Variants in IST1 observed in about 807,000 individuals in gnomAD.
IST1 encodes the protein IST1 homolog.
In IST1, 23 loss-of-function variants were observed where a neutral mutation model predicts 37.0. The ratio of observed to expected loss-of-function variants is 0.62; its 90% CI spans 0.45 to 0.88. IST1 has a LOEUF of 0.88. Ranked by LOEUF, IST1 falls within the 40% of genes least tolerant of loss-of-function variation. The pLI is 0.00. For synonymous variants in IST1, 180 were observed against 161.7 expected (o/e 1.11, Z -0.86); for missense variants, 488 against 445.4 (o/e 1.10, Z -0.86).
intron 1 of IST1, among the ~76,000 whole-genome samples, chr16:71,906,503 C>CG (rs1567462943): frequency 6.6e-6 from 1 of 151,232 alleles, no homozygotes. Flanking sequence ...TTCGTAGAGA[C>CG]GGGGTTTCAC....
chr16:71,897,798 T>C (rs2037008786), intron 1 of IST1, among the ~76,000 whole-genome samples: 1 of 151,328 alleles, frequency 6.6e-6, no homozygotes, highest in South Asian at 2.1e-4. Flanking sequence ...ATACAAAAAT[T>C]AGCCAGGAGT....
At chr16:71,915,576 C>G (rs1413290052) in intron 1 of IST1, 50 bp from the exon 2 acceptor site, 1 of 1,293,500 alleles carries the variant, frequency 7.7e-7, no homozygotes, top group South Asian at 1.3e-5. Flanking sequence ...GTGTTAGTTC[C>G]TGAACTAATG....
At chr16:71,903,960 A>G (rs2037164688) in intron 1 of IST1, among the ~76,000 whole-genome samples, 1 of 151,874 alleles carries the variant, frequency 6.6e-6, no homozygotes, top group Non-Finnish European at 1.5e-5. Context: ...TTTGTTTTTG[A>G]AGCTCTGTTG....
chr16:71,898,002 T>A (rs912361188), intron 1 of IST1, among the ~76,000 whole-genome samples: 2 of 152,110 alleles, frequency 1.3e-5, no homozygotes, highest in African/African-American at 4.8e-5. Flanking sequence ...ACTACAAGGT[T>A]TTAGACTGTA....
At chr16:71,912,004 C>T (rs2037365822) in intron 1 of IST1, among the ~76,000 whole-genome samples, 1 of 151,974 alleles carries the variant, frequency 6.6e-6, no homozygotes, top group Non-Finnish European at 1.5e-5. Context: ...TACTCCCGGC[C>T]AAACTTGGAA....
In IST1 at chr16:71,930,523, C is replaced by T. The variant is rs1370016966; in HGVS notation, c.*2710C>T. 1 of 177,906 alleles carries T rather than the reference C, an allele frequency of 5.6e-6. No homozygotes were observed. Among genetic ancestry groups the T allele is most frequent in the African/African-American group, 2.4e-5 (1 of 42,476 alleles). The allele number at this position is 177,906 out of a possible 1,614,324, so 11.0% of individuals were successfully genotyped here. On this transcript the variant is annotated 3_prime_UTR_variant, in exon 10 of 10. Coordinates refer to ENST00000378799, the MANE Select transcript of IST1 (RefSeq NM_001270975.2). ...AAAGTGGGAGGGGGGTAAGCAAACACTGAAAGATTAAATGCATACCAGAAA... is the reference window on the plus strand; with the variant it reads ...AAAGTGGGAGGGGGGTAAGCAAACATTGAAAGATTAAATGCATACCAGAAA...
Position 71,927,905 on chromosome 16 carries a change from C to G in IST1, c.*92C>G. ...GAATCTCCATGAAATTCTGTTTCATCTGTTAACCGTCACTCAGCACAACAC... is the reference window on the plus strand; with the variant it reads ...GAATCTCCATGAAATTCTGTTTCATGTGTTAACCGTCACTCAGCACAACAC... On this transcript the variant is annotated 3_prime_UTR_variant, in exon 10 of 10. Transcript: ENST00000378799. 2.2e-6 allele frequency: 2 copies of G among 913,720 alleles called. No individual in the cohort carries two copies. The highest frequency in any genetic ancestry group is 3.5e-6 in the Non-Finnish European group (2 of 568,898). 56.6% of individuals were successfully genotyped at this position (913,720 alleles called of 1,614,324 possible).
intron 1 of IST1, among the ~76,000 whole-genome samples, chr16:71,901,896 T>C (rs553765077): frequency 1.3e-5 from 2 of 152,338 alleles, no homozygotes; most frequent in South Asian, 4.1e-4. Flanking sequence ...AACAGTTGTC[T>C]TGCAGTGAGA....
chr16:71,926,050 G>C (rs1280157698), intron 9 of IST1, among the ~76,000 whole-genome samples: 1 of 152,150 alleles, frequency 6.6e-6, no homozygotes, highest in African/African-American at 2.4e-5. Flanking sequence ...GGGAGGCCTA[G>C]GTGGGCAGAT....
At chr16:71,899,024 GT>G (rs539896588) in intron 1 of IST1, among the ~76,000 whole-genome samples, 198 of 150,262 alleles carry the variant, frequency 1.3e-3, no homozygotes, top group Middle Eastern at 0.01. Context: ...TTCCCATAAT[GT>G]TTTTATCTCA....
In IST1 at chr16:71,927,995, G is replaced by A. The variant is rs962579080; in HGVS notation, c.*182G>A. ...CTTTCCAGTTCTCTGTTGATCCTGA[G>A]ACTAACAATTGGAGACTGAGGCCAG... On this transcript the variant is annotated 3_prime_UTR_variant, in exon 10 of 10. Coordinates refer to ENST00000378799, the MANE Select transcript of IST1 (RefSeq NM_001270975.2). 1 of 586,528 alleles carries A rather than the reference G, an allele frequency of 1.7e-6. No individual in the cohort carries two copies. Among genetic ancestry groups the A allele is most frequent in the African/African-American group, 1.9e-5 (1 of 53,432 alleles). The allele number at this position is 586,528 out of a possible 1,614,324, so 36.3% of individuals were successfully genotyped here.
chr16:71,923,043 G>C (rs936324922), intron 7 of IST1: 4 of 466,054 alleles, frequency 8.6e-6, no homozygotes, highest in African/African-American at 6.0e-5. Flanking sequence ...AGAAAGTCTC[G>C]TTAGAGTTTT....
At chr16:71,909,742 C>G (rs559926153) in intron 1 of IST1, among the ~76,000 whole-genome samples, 2 of 152,150 alleles carry the variant, frequency 1.3e-5, no homozygotes, top group Non-Finnish European at 2.9e-5. Flanking sequence ...AATGAAAACT[C>G]GAGAATAACG....
At chr16:71,926,436 C>T (rs547790926) in intron 9 of IST1, among the ~76,000 whole-genome samples, 199 of 151,902 alleles carry the variant, frequency 1.3e-3, no homozygotes, top group African/African-American at 4.4e-3. Flanking sequence ...CTCCACCTCC[C>T]GGGTTCACGC....
At chr16:71,894,692 T>G, upstream of IST1, 1 of 621,650 alleles carries the variant, frequency 1.6e-6, no homozygotes, top group South Asian at 1.9e-5. Flanking sequence ...CTCCCCTAAT[T>G]TTTAACTTTT....
chr16:71,914,243 C>T (rs918229229), intron 1 of IST1, among the ~76,000 whole-genome samples: 1 of 151,334 alleles, frequency 6.6e-6, no homozygotes. Flanking sequence ...ACTGCAACCT[C>T]CACCTCCCGG....
At chr16:71,895,426 G>C (rs750256213), upstream of IST1, 3 of 763,792 alleles carry the variant, frequency 3.9e-6, no homozygotes, top group South Asian at 1.2e-4. Context: ...CGTGGGTCCC[G>C]GCAGCGGCGA....
At position 71,915,741 on chromosome 16, in the gene IST1, CT is replaced by C. The variant is rs572752803; in HGVS notation, c.88+20del. The C allele has an allele frequency of 2.9e-5, 44 of 1,539,558 alleles. No individual in the cohort carries two copies. In the African/African-American group the frequency reaches 3.8e-4, roughly 13 times the overall value. On this transcript the variant is annotated intron_variant, in intron 2 of 9. Coordinates refer to ENST00000378799, the MANE Select transcript of IST1 (RefSeq NM_001270975.2). ...GAGAAAAAGAAAAGTGAGTAGTGTA[CT>C]TTTTTTCCCCAAAAATAAATCACTG... is the stretch of plus-strand genomic sequence containing the variant.
At chr16:71,908,296 C>CTTTTTTTTTTTTTT (rs59849119) in intron 1 of IST1, among the ~76,000 whole-genome samples, 1 of 76,820 alleles carries the variant, frequency 1.3e-5, no homozygotes, top group Admixed American at 2.1e-4. Context: ...CTCGTTGTAG[C>CTTTTTTTTTTTTTT]TTTTTTTTTT....
Sources: gnomAD v4.1 joint callset for allele counts (sites outside exome capture counted in the v4.1 genomes callset) on GRCh38, gnomAD v4.1.1 for gene constraint, MANE v1.5 for transcripts, NCBI Gene and HGNC (gene_info 2026-07-23, HGNC 2026-07-21) for gene names.